TRABD2B: variants seen among roughly 807,000 people sequenced by gnomAD.
TRABD2B encodes TraB domain containing 2B, also known as metalloprotease TIKI2.
In TRABD2B, 14 loss-of-function variants were observed where a neutral mutation model predicts 40.1. That is an observed-to-expected ratio of 0.35 (90% CI 0.23 to 0.55). The LOEUF is 0.55. Ranked by LOEUF, TRABD2B falls within the 20% of genes least tolerant of loss-of-function variation. The pLI is 0.90. For missense variants in TRABD2B, 541 were observed against 648.6 expected, an observed-to-expected ratio of 0.83 and a Z score of 1.80; for synonymous variants, 263 against 277.0, an observed-to-expected ratio of 0.95 and a Z score of 0.50.
Position 47,801,502 on chromosome 1 carries a change from C to G in TRABD2B, c.784G>C (p.Ala262Pro), listed in dbSNP as rs147317864. The change falls in exon 3 of 7, where the codon GCA (alanine) becomes CCA (proline). Residue 262 changes from alanine (A) to proline (P), a missense_variant. Physicochemically the swap from Ala to Pro is conservative, Grantham distance 27. Transcript: ENST00000606738. ...GATGTGTCGTGGTTGAAGATGACTG[C>G]GCTGAGGTCTCCGCAGTTGTAGTGC... ...IKHYNCGDLS[A>P]VIFNHDTSQL... is the part of the protein sequence containing the mutation. The G allele has an allele frequency of 6.5e-7, 1 of 1,536,106 alleles. No individual in the cohort carries two copies.
chr1:47,842,425 G>C (rs1346538307), intron 2 of TRABD2B, among the ~76,000 whole-genome samples: 1 of 152,078 alleles, frequency 6.6e-6, no homozygotes, highest in Admixed American at 6.5e-5. Context: ...ATTCTGCCTG[G>C]TCCCTGCTGG....
chr1:47,808,220 C>A (rs1424337410), intron 2 of TRABD2B, among the ~76,000 whole-genome samples: 1 of 152,210 alleles, frequency 6.6e-6, no homozygotes, highest in East Asian at 1.9e-4. Context: ...AGCATCAACT[C>A]TTCCCTGGAT....
intron 5 of TRABD2B, 50 bp downstream of exon 5, chr1:47,778,404 G>T: frequency 7.4e-7 from 1 of 1,351,492 alleles, no homozygotes; most frequent in Non-Finnish European, 1.0e-6. Context: ...GAAAGCCTGG[G>T]CAGGAAGGCA....
At chr1:47,990,742 T>C (rs1645989026) in intron 2 of TRABD2B, among the ~76,000 whole-genome samples, 1 of 133,536 alleles carries the variant, frequency 7.5e-6, no homozygotes, top group Admixed American at 7.8e-5. Context: ...CAAGATTATA[T>C]ACAAGTTGTT....
chr1:47,818,581 G>A (rs1432638338), intron 2 of TRABD2B: 2 of 152,196 alleles, frequency 1.3e-5, no homozygotes, highest in South Asian at 2.1e-4. Context: ...CTCTTCCAAG[G>A]TTTGATGAAG....
At chr1:47,871,867 C>T (rs1272608546) in intron 2 of TRABD2B, among the ~76,000 whole-genome samples, 2 of 152,178 alleles carry the variant, frequency 1.3e-5, no homozygotes, top group Non-Finnish European at 2.9e-5. Flanking sequence ...AAACAATGGC[C>T]AAATGGCCTC....
intron 2 of TRABD2B, among the ~76,000 whole-genome samples, chr1:47,936,005 T>C (rs927249585): frequency 6.6e-6 from 1 of 152,250 alleles, no homozygotes; most frequent in Non-Finnish European, 1.5e-5. Context: ...TAAGAGCTGC[T>C]GCCTTGCAGG....
At chr1:47,856,007 T>C (rs1220869151) in intron 2 of TRABD2B, among the ~76,000 whole-genome samples, 1 of 152,206 alleles carries the variant, frequency 6.6e-6, no homozygotes, top group Non-Finnish European at 1.5e-5. Flanking sequence ...CCCTGGCCCC[T>C]AGTTTTTCAC....
At chr1:47,868,913 A>C (rs928580388) in intron 2 of TRABD2B, among the ~76,000 whole-genome samples, 8 of 152,222 alleles carry the variant, frequency 5.3e-5, no homozygotes, top group Admixed American at 3.9e-4. Context: ...ATTTGTTGGT[A>C]AACTGGAGAC....
At chr1:47,828,115 G>A (rs763205184) in intron 2 of TRABD2B, among the ~76,000 whole-genome samples, 35 of 152,238 alleles carry the variant, frequency 2.3e-4, no homozygotes, top group Admixed American at 3.9e-4. Flanking sequence ...ATACAAACGG[G>A]AGCATAAGGG....
chr1:47,952,013 C>T (rs1645352187), intron 2 of TRABD2B, among the ~76,000 whole-genome samples: 1 of 152,206 alleles, frequency 6.6e-6, no homozygotes, highest in Non-Finnish European at 1.5e-5. Context: ...TCGCTCAGCA[C>T]CCTCAGTGCC....
chr1:47,991,452 C>T (rs1366106055), intron 2 of TRABD2B, among the ~76,000 whole-genome samples: 1 of 152,136 alleles, frequency 6.6e-6, no homozygotes. Context: ...AGCAAAGTCA[C>T]GGTGATGTTG....
chr1:47,956,451 C>T (rs1014941153), intron 2 of TRABD2B, among the ~76,000 whole-genome samples: 1 of 152,200 alleles, frequency 6.6e-6, no homozygotes, highest in African/African-American at 2.4e-5. Context: ...AATTCCCTTT[C>T]CTAGCCAAGG....
intron 2 of TRABD2B, among the ~76,000 whole-genome samples, chr1:47,975,783 C>G (rs554458023): frequency 1.3e-5 from 2 of 152,186 alleles, no homozygotes; most frequent in Admixed American, 1.3e-4. Context: ...CTATAAATGG[C>G]AAATATGTTC....
At chr1:47,866,565 G>A (rs746466724) in intron 2 of TRABD2B, among the ~76,000 whole-genome samples, 1 of 152,084 alleles carries the variant, frequency 6.6e-6, no homozygotes, top group Non-Finnish European at 1.5e-5. Flanking sequence ...CCAGGGCAGC[G>A]CTCCCTGTTT....
At chr1:47,867,627 G>T (rs550584270) in intron 2 of TRABD2B, among the ~76,000 whole-genome samples, 2 of 152,086 alleles carry the variant, frequency 1.3e-5, no homozygotes, top group South Asian at 4.1e-4. Flanking sequence ...TAACTTTCTT[G>T]TGACATTTGG....
chr1:47,909,011 T>C (rs1557650561), intron 2 of TRABD2B, among the ~76,000 whole-genome samples: 1 of 152,258 alleles, frequency 6.6e-6, no homozygotes, highest in Non-Finnish European at 1.5e-5. Context: ...AAGCTTCTGC[T>C]GAGCTCCTGC....
intron 2 of TRABD2B, among the ~76,000 whole-genome samples, chr1:47,869,948 A>T (rs7553291): frequency 0.36 from 54,905 of 151,936 alleles, 10,101 homozygotes; most frequent in East Asian, 0.49. Flanking sequence ...CCAACAAGAA[A>T]GTGGGAGCCC....
intron 2 of TRABD2B, among the ~76,000 whole-genome samples, chr1:47,983,445 A>G (rs986171470): frequency 6.6e-6 from 1 of 152,154 alleles, no homozygotes; most frequent in Non-Finnish European, 1.5e-5. Context: ...AGTAGTTTAC[A>G]TACGTAACAA....
Sources: allele counts gnomAD v4.1 joint callset (sites outside exome capture counted in the v4.1 genomes callset), GRCh38; gene constraint gnomAD v4.1.1; transcripts MANE v1.5; gene names NCBI Gene and HGNC (gene_info 2026-07-23, HGNC 2026-07-21).